Variants in ITK observed in about 807,000 individuals in gnomAD.
ITK encodes the protein IL2 inducible T cell kinase.
Under a neutral mutation model 87.6 loss-of-function variants are expected in ITK, and 45 were observed. That is an observed-to-expected ratio of 0.51 (90% confidence interval 0.40 to 0.66). The LOEUF (loss-of-function observed/expected upper bound fraction) is 0.66. ITK is among the 30% of genes least tolerant of loss of function. ITK has a pLI of 0.00. For missense variants in ITK, 605 were observed against 766.3 expected, an observed-to-expected ratio of 0.79 and a Z score of 2.48; for synonymous variants, 303 against 273.6, an observed-to-expected ratio of 1.11 and a Z score of -1.06.
chr5:157,246,217 A>G (rs1173794915), intron 15 of ITK, among the ~76,000 whole-genome samples: 6 of 152,230 alleles, frequency 3.9e-5, no homozygotes, highest in Non-Finnish European at 7.3e-5. Flanking sequence ...GGAGTTAATT[A>G]AAAGTGGAAA....
At chr5:157,204,060 G>A (rs1162012581) in intron 1 of ITK, among the ~76,000 whole-genome samples, 1 of 152,150 alleles carries the variant, frequency 6.6e-6, no homozygotes, top group Non-Finnish European at 1.5e-5. Flanking sequence ...GGCTGGGGTC[G>A]ACGGCACCAT....
At chr5:157,186,366 T>TAA (rs56804246) in intron 1 of ITK, among the ~76,000 whole-genome samples, 4 of 140,762 alleles carry the variant, frequency 2.8e-5, no homozygotes, top group Non-Finnish European at 3.1e-5. Flanking sequence ...CTATGTGTCT[T>TAA]AAAAAAAAAA....
rs79751772 is a variant in ITK, at chr5:157,226,068, T to C, written c.648-2228T>C. Among the ~76,000 whole-genome samples, 80 of 152,304 alleles carry C rather than the reference T, an allele frequency of 5.3e-4. 3 individuals are homozygous for C. In the East Asian group the frequency reaches 0.014, roughly 26 times the overall value. ...GTGGTATAGTGGAAAGCACACAAGATGGGGAGACAGAGGACTTGGACTTTA... is the reference window on the plus strand; with the variant it reads ...GTGGTATAGTGGAAAGCACACAAGACGGGGAGACAGAGGACTTGGACTTTA... On this transcript the variant is annotated intron_variant, in intron 6 of 16. Transcript: ENST00000422843.
intron 6 of ITK, among the ~76,000 whole-genome samples, chr5:157,223,549 A>G (rs574497682): frequency 1.3e-5 from 2 of 152,314 alleles, no homozygotes; most frequent in South Asian, 2.1e-4. Flanking sequence ...TTGTACAAAT[A>G]CTACTTTCCC....
chr5:157,249,149 CT>C (rs1755089618), intron 16 of ITK, 142 bp downstream of exon 16: 1 of 771,682 alleles, frequency 1.3e-6, no homozygotes, highest in African/African-American at 1.7e-5. Flanking sequence ...CTTTGAGGAT[CT>C]GTTAACGGGA....
At chr5:157,211,909 T>C (rs1754198604) in intron 3 of ITK, among the ~76,000 whole-genome samples, 1 of 152,196 alleles carries the variant, frequency 6.6e-6, no homozygotes, top group South Asian at 2.1e-4. Context: ...GTGAGCAAAG[T>C]CCTAGAAACT....
intron 5 of ITK, among the ~76,000 whole-genome samples, chr5:157,220,877 G>T (rs1222984132): frequency 6.6e-6 from 1 of 151,744 alleles, no homozygotes; most frequent in African/African-American, 2.4e-5. Flanking sequence ...TTGTTGCTTT[G>T]AGACAGGGTG....
At chr5:157,221,175 C>G (rs978974862) in intron 5 of ITK, among the ~76,000 whole-genome samples, 27 of 151,202 alleles carry the variant, frequency 1.8e-4, no homozygotes, top group African/African-American at 6.6e-4. Flanking sequence ...ATGAAATAGT[C>G]GAATTCTTGC....
chr5:157,249,778 T>C (rs1012525008), intron 16 of ITK, among the ~76,000 whole-genome samples: 1 of 152,158 alleles, frequency 6.6e-6, no homozygotes, highest in Admixed American at 6.5e-5. Context: ...TGTGAGTTCA[T>C]AGAGCTTTTA....
In ITK at chr5:157,208,891, G is replaced by A; in HGVS notation, c.141G>A (p.Lys47=). The part of the protein sequence containing the change: ...SLAYFEDRHG[K]KRTLKGSIEL... ...GGGATGTTCTTCTCTCCCCACAGAA[G>A]AAGCGCACGCTGAAGGGGTCCATTG... Residue 47 remains lysine (K), a splice_region_variant and synonymous_variant, in exon 2 of 17, where the codon AAG becomes AAA. Coordinates refer to ENST00000422843, the MANE Select transcript of ITK (RefSeq NM_005546.4). The A allele has an allele frequency of 6.2e-7, 1 of 1,610,980 alleles. No individual in the cohort carries two copies. The highest frequency in any genetic ancestry group is 8.5e-7 in the Non-Finnish European group (1 of 1,177,166).
In ITK at chr5:157,215,575, T is replaced by C. The variant is rs779340958; in HGVS notation, c.454+1256T>C. On this transcript the variant is annotated intron_variant, in intron 4 of 16. Transcript: ENST00000422843. Reference sequence around the variant, plus strand: ...GGGCCAATATTTAATAAAAATGAAATGGAAAGTTTTCTCTGGATAGGATCC... The same window carrying C: ...GGGCCAATATTTAATAAAAATGAAACGGAAAGTTTTCTCTGGATAGGATCC... 3.3e-5 allele frequency among the ~76,000 whole-genome samples: 5 copies of C among 152,320 alleles called. No individual in the cohort carries two copies. The East Asian group carries it at 7.7e-4, about 24-fold the overall frequency.
intron 5 of ITK, among the ~76,000 whole-genome samples, chr5:157,220,175 A>G (rs1754385710): frequency 6.6e-6 from 1 of 152,176 alleles, no homozygotes; most frequent in South Asian, 2.1e-4. Context: ...CACTGTGAGC[A>G]GGGCCAGTCC....
At chr5:157,210,290 G>A (rs1029617381) in intron 2 of ITK, among the ~76,000 whole-genome samples, 7 of 152,034 alleles carry the variant, frequency 4.6e-5, no homozygotes, top group Non-Finnish European at 1.5e-5. Context: ...ACATCCCAGG[G>A]TACCATTCCT....
intron 11 of ITK, among the ~76,000 whole-genome samples, chr5:157,242,868 G>A (rs923926706): frequency 7.2e-5 from 11 of 152,328 alleles, no homozygotes; most frequent in East Asian, 1.9e-4. Flanking sequence ...AACCAGCACC[G>A]TGTCCGGCAC....
Position 157,254,196 on chromosome 5 carries a change from G to A in ITK, c.*1518G>A, listed in dbSNP as rs1401808544. 8 of 229,856 alleles carry A rather than the reference G, an allele frequency of 3.5e-5. No homozygotes were observed. Among genetic ancestry groups the A allele is most frequent in the Non-Finnish European group, 6.0e-5 (7 of 116,038 alleles). 14.2% of individuals were successfully genotyped at this position (229,856 alleles called of 1,614,324 possible). A position where few individuals can be genotyped will look rare whatever the true frequency, so the allele number is the denominator to read the frequency against. On this transcript the variant is annotated 3_prime_UTR_variant, in exon 17 of 17. Coordinates refer to ENST00000422843, the MANE Select transcript of ITK (RefSeq NM_005546.4). ...AAGAAGTCAGTATAGAACCACTAGC[G>A]AATAGTGTTGCTCTGGCACAGACCA... is the stretch of plus-strand genomic sequence containing the variant.
At chr5:157,226,551 A>G (rs1754535098) in intron 6 of ITK, among the ~76,000 whole-genome samples, 1 of 152,208 alleles carries the variant, frequency 6.6e-6, no homozygotes. Context: ...CTGAGGGCAG[A>G]TGTCCAATTC....
chr5:157,206,243 C>T (rs917709203), intron 1 of ITK, among the ~76,000 whole-genome samples: 1 of 152,154 alleles, frequency 6.6e-6, no homozygotes. Flanking sequence ...GCATGAGCCA[C>T]CACGCCTGGC....
intron 16 of ITK, among the ~76,000 whole-genome samples, chr5:157,249,748 G>C (rs1407529357): frequency 2.0e-5 from 3 of 152,114 alleles, no homozygotes; most frequent in East Asian, 3.8e-4. Context: ...ACTGTTAAGA[G>C]AATTAAATAA....
chr5:157,190,463 A>T (rs945359392), intron 1 of ITK, among the ~76,000 whole-genome samples: 3 of 152,232 alleles, frequency 2.0e-5, no homozygotes, highest in African/African-American at 7.2e-5. Context: ...ACGCAGTGGT[A>T]AGTAATGGAG....
Sources: allele counts gnomAD v4.1 joint callset (sites outside exome capture counted in the v4.1 genomes callset), GRCh38; gene constraint gnomAD v4.1.1; transcripts MANE v1.5; gene names NCBI Gene and HGNC (gene_info 2026-07-23, HGNC 2026-07-21).